The following FKBP15 variants were observed in gnomAD, a reference collection of about 807,000 sequenced individuals.
FKBP15 encodes FKBP prolyl isomerase family member 15, also known as FK506-binding protein 15.
In FKBP15, 106 loss-of-function variants were observed where a neutral mutation model predicts 158.1. The observed-to-expected ratio is 0.67, with a 90% CI of 0.57 to 0.79. The LOEUF (loss-of-function observed/expected upper bound fraction) is 0.79. Among genes scored for constraint, FKBP15 ranks in the 30% least tolerant of loss-of-function variants. The probability of loss-of-function intolerance (pLI) is 0.00; values close to 1 mark genes in which losing one functional copy is unlikely to be tolerated. For missense variants in FKBP15, 1,287 were observed against 1,479.1 expected (o/e 0.87, Z 2.13); for synonymous variants, 547 against 548.6 (o/e 1.00, Z 0.04).
Position 113,197,179 on chromosome 9 carries a change from T to G in FKBP15, c.718-101A>C, listed in dbSNP as rs986242521. 5 of 1,434,476 alleles carry G rather than the reference T, an allele frequency of 3.5e-6. No individual in the cohort carries two copies. In the African/African-American group the frequency reaches 5.6e-5, roughly 16 times the overall value. 88.9% of individuals were successfully genotyped at this position (1,434,476 alleles called of 1,614,324 possible). On this transcript the variant is annotated intron_variant, in intron 8 of 27. Coordinates refer to ENST00000238256, the MANE Select transcript of FKBP15 (RefSeq NM_015258.2). The stretch of plus-strand genomic sequence containing the variant: ...GTTTCACTTATCCACACTTTCACGT[T>G]TACTCAGTGCCTCCAGAGGTCGGGT...
chr9:113,205,031 T>C (rs1203905249), intron 4 of FKBP15, among the ~76,000 whole-genome samples: 1 of 152,196 alleles, frequency 6.6e-6, no homozygotes, highest in East Asian at 1.9e-4. Flanking sequence ...TTTTTTACCG[T>C]AGGCCCAACT....
intron 20 of FKBP15, among the ~76,000 whole-genome samples, chr9:113,176,877 G>A (rs1375840972): frequency 6.6e-6 from 1 of 152,140 alleles, no homozygotes; most frequent in South Asian, 2.1e-4. Context: ...GCCTCCCAGA[G>A]TGCTAGGATT....
intron 19 of FKBP15, among the ~76,000 whole-genome samples, chr9:113,179,215 T>G (rs1830348705): frequency 6.6e-6 from 1 of 152,174 alleles, no homozygotes; most frequent in African/African-American, 2.4e-5. Context: ...TTACATACAT[T>G]TTCACAGTTG....
chr9:113,173,057 C>T (rs1830241506), intron 23 of FKBP15, among the ~76,000 whole-genome samples: 1 of 152,204 alleles, frequency 6.6e-6, no homozygotes, highest in Non-Finnish European at 1.5e-5. Flanking sequence ...GGTACTTCCT[C>T]TTCTGGGCCC....
intron 9 of FKBP15, among the ~76,000 whole-genome samples, chr9:113,195,659 T>A (rs1434160194): frequency 6.6e-6 from 1 of 152,144 alleles, no homozygotes; most frequent in Non-Finnish European, 1.5e-5. Flanking sequence ...TAATATTCCC[T>A]ATTTGTATTG....
intron 11 of FKBP15, among the ~76,000 whole-genome samples, chr9:113,192,096 C>G (rs1415113776): frequency 6.6e-6 from 1 of 151,404 alleles, no homozygotes; most frequent in Non-Finnish European, 1.5e-5. Context: ...TTACTATAGC[C>G]TTAGAAATAG....
chr9:113,194,384 T>A (rs1830631252), intron 9 of FKBP15, among the ~76,000 whole-genome samples: 1 of 150,652 alleles, frequency 6.6e-6, no homozygotes, highest in East Asian at 1.9e-4. Flanking sequence ...ACCTGCACAA[T>A]GTGCACATGT....
chr9:113,193,078 GA>G (rs1830604992), intron 11 of FKBP15, among the ~76,000 whole-genome samples: 3 of 152,134 alleles, frequency 2.0e-5, no homozygotes, highest in Non-Finnish European at 4.4e-5. Context: ...AAGGGACTAT[GA>G]GTTCCTTTTA....
chr9:113,172,684 T>C (rs1006166931), intron 23 of FKBP15, among the ~76,000 whole-genome samples: 10 of 152,086 alleles, frequency 6.6e-5, no homozygotes, highest in Non-Finnish European at 1.2e-4. Flanking sequence ...GTAAAAAATA[T>C]AATGAAAAAA....
chr9:113,176,109 T>C (rs2118873116), intron 21 of FKBP15, among the ~76,000 whole-genome samples: 1 of 152,246 alleles, frequency 6.6e-6, no homozygotes, highest in African/African-American at 2.4e-5. Flanking sequence ...AATAAAAACA[T>C]AAATATCCAT....
At chr9:113,203,104 T>G in intron 4 of FKBP15, 69 bp from the exon 5 acceptor site, 7 of 1,056,266 alleles carry the variant, frequency 6.6e-6, no homozygotes, top group Non-Finnish European at 9.8e-6. Context: ...CAATATAAAA[T>G]CAGCAATATA....
intron 3 of FKBP15, 62 bp downstream of exon 3, chr9:113,207,150 A>AGT: frequency 9.1e-7 from 1 of 1,100,088 alleles, no homozygotes; most frequent in Non-Finnish European, 1.3e-6. Flanking sequence ...TTTCGAGAAA[A>AGT]AGTAGCTTAA....
intron 19 of FKBP15, among the ~76,000 whole-genome samples, chr9:113,180,284 GGATAA>G (rs201981374): frequency 0.012 from 1,859 of 152,054 alleles, 38 homozygotes; most frequent in African/African-American, 0.042. Flanking sequence ...ATAAGGGAAT[GGATAA>G]GATATTAATA....
Position 113,169,765 on chromosome 9 carries a change from C to T in FKBP15, c.2944G>A (p.Val982Met). 1 of 1,606,752 alleles carries T rather than the reference C, an allele frequency of 6.2e-7. No homozygotes were observed. The highest frequency in any genetic ancestry group is 8.5e-7 in the Non-Finnish European group (1 of 1,176,418). ...LNRERPESPM[V>M]PSEQVVEEAV... ...TCCTCGACCACCTGCTCTGAGGGCACCATGGGGGACTCTGGCCTCTCCCTA... is the reference window on the plus strand; with the variant it reads ...TCCTCGACCACCTGCTCTGAGGGCATCATGGGGGACTCTGGCCTCTCCCTA... Residue 982 changes from valine (V) to methionine (M), a missense_variant, in exon 26 of 28, where the codon GTG becomes ATG. Transcript: ENST00000238256.
chr9:113,187,729 A>G, intron 14 of FKBP15, 64 bp downstream of exon 14: 1 of 1,309,986 alleles, frequency 7.6e-7, no homozygotes, highest in Non-Finnish European at 1.1e-6. Flanking sequence ...CAGGAAGAAG[A>G]AAAGAGACTG....
intron 4 of FKBP15, among the ~76,000 whole-genome samples, chr9:113,204,502 T>C (rs1218828141): frequency 6.6e-6 from 1 of 152,238 alleles, no homozygotes; most frequent in Non-Finnish European, 1.5e-5. Context: ...TTTGCCTTCA[T>C]TTTTGAAGGA....
At chr9:113,183,723 C>G (rs774847793) in intron 18 of FKBP15, 28 bp downstream of exon 18, 1 of 1,510,486 alleles carries the variant, frequency 6.6e-7, no homozygotes, top group East Asian at 2.3e-5. Context: ...TTTTGTCCAT[C>G]CTAGCCAGGC....
intron 1 of FKBP15, among the ~76,000 whole-genome samples, 160 bp from the exon 2 acceptor site, chr9:113,211,752 T>TAAAA (rs58018622): frequency 4.7e-5 from 7 of 149,690 alleles, no homozygotes; most frequent in East Asian, 3.9e-4. Context: ...ATTTAAAAAT[T>TAAAA]AAAAAAAAAA....
At chr9:113,219,007 A>G (rs1000202125) in intron 1 of FKBP15, among the ~76,000 whole-genome samples, 2 of 152,214 alleles carry the variant, frequency 1.3e-5, no homozygotes, top group African/African-American at 4.8e-5. Context: ...TTATTCCTGG[A>G]TTGATTTTAT....
Sources: gnomAD v4.1 joint callset for allele counts (sites outside exome capture counted in the v4.1 genomes callset) on GRCh38, gnomAD v4.1.1 for gene constraint, MANE v1.5 for transcripts, NCBI Gene and HGNC (gene_info 2026-07-23, HGNC 2026-07-21) for gene names.